GRID2: variants seen among roughly 807,000 people sequenced by gnomAD.
The protein encoded by GRID2 is glutamate ionotropic receptor delta type subunit 2.
GRID2 carries 33 observed loss-of-function variants against 114.8 expected under a neutral mutation model. The ratio of observed to expected loss-of-function variants is 0.29; its 90% CI spans 0.22 to 0.38. The LOEUF (loss-of-function observed/expected upper bound fraction) is 0.38. Among genes scored for constraint, GRID2 ranks in the 10% least tolerant of loss-of-function variants. The probability of loss-of-function intolerance (pLI) is 1.00; values close to 1 mark genes in which losing one functional copy is unlikely to be tolerated. For synonymous variants in GRID2, 505 were observed against 449.9 expected, an observed-to-expected ratio of 1.12 and a Z score of -1.55; for missense variants, 1,184 against 1,257.7, an observed-to-expected ratio of 0.94 and a Z score of 0.89.
chr4:93,194,537 C>G, intron 4 of GRID2, among the ~76,000 whole-genome samples: 1 of 152,082 alleles, frequency 6.6e-6, no homozygotes, highest in Non-Finnish European at 1.5e-5. Flanking sequence ...TATTGGCATA[C>G]TTTTCATAAT....
intron 12 of GRID2, among the ~76,000 whole-genome samples, chr4:93,503,154 G>A (rs948728962): frequency 2.0e-5 from 3 of 152,040 alleles, no homozygotes; most frequent in Admixed American, 6.6e-5. Context: ...TGTGGAGGAC[G>A]TAGTTTGAGT....
intron 2 of GRID2, among the ~76,000 whole-genome samples, chr4:93,031,662 C>G (rs1165110820): frequency 6.6e-6 from 1 of 152,028 alleles, no homozygotes; most frequent in Non-Finnish European, 1.5e-5. Flanking sequence ...TCTTGCTTGC[C>G]ACCATGTAAG....
In GRID2 at chr4:93,772,418, A is replaced by G. The variant is rs1324702482; in HGVS notation, c.2944A>G (p.Met982Val). ...CTTTTTCAGGAGTCCTATAAAAACA[A>G]TGTCATCTATTCCTTATCAACCAAC... ...GGFFRSPIKT[M>V]SSIPYQPTPT... Residue 982 changes from methionine (M) to valine (V), a missense_variant, in exon 16 of 16, where the codon ATG becomes GTG. Physicochemically the swap from Met to Val is conservative, Grantham distance 21. Coordinates refer to ENST00000282020, the MANE Select transcript of GRID2 (RefSeq NM_001510.4). 4.3e-6 allele frequency: 7 copies of G among 1,613,888 alleles called. No homozygotes were observed. In the South Asian group the frequency reaches 6.6e-5, roughly 15 times the overall value.
chr4:92,879,145 GAT>G (rs1745828130), intron 2 of GRID2, among the ~76,000 whole-genome samples: 1 of 151,992 alleles, frequency 6.6e-6, no homozygotes, highest in East Asian at 1.9e-4. Context: ...CTAGAAAAAA[GAT>G]ATAAAATATG....
chr4:93,461,763 T>A (rs1723762828), intron 11 of GRID2, among the ~76,000 whole-genome samples: 1 of 152,174 alleles, frequency 6.6e-6, no homozygotes, highest in Admixed American at 6.5e-5. Context: ...AATGCACGAA[T>A]GAGAGACCAA....
chr4:93,323,510 G>A (rs1757475942), intron 8 of GRID2, among the ~76,000 whole-genome samples: 1 of 152,128 alleles, frequency 6.6e-6, no homozygotes, highest in Non-Finnish European at 1.5e-5. Flanking sequence ...GTTTGAATTA[G>A]GATTGTCTTG....
chr4:92,941,635 T>C (rs961628589), intron 2 of GRID2, among the ~76,000 whole-genome samples: 2 of 152,176 alleles, frequency 1.3e-5, no homozygotes, highest in Admixed American at 1.3e-4. Context: ...TGCTCTTGCT[T>C]CTCCAGTTCT....
At chr4:92,479,975 T>G (rs182805466) in intron 1 of GRID2, among the ~76,000 whole-genome samples, 22 of 152,292 alleles carry the variant, frequency 1.4e-4, no homozygotes, top group African/African-American at 4.6e-4. Context: ...TGTGATTCTT[T>G]GAAACATTGT....
At chr4:93,232,578 T>C (rs188547413) in intron 7 of GRID2, among the ~76,000 whole-genome samples, 2 of 151,276 alleles carry the variant, frequency 1.3e-5, no homozygotes, top group Admixed American at 1.3e-4. Flanking sequence ...TAATAGATCT[T>C]TAAATCAAAT....
rs1434252187 is a variant in GRID2, at chr4:93,170,814, C to G, written c.736-36590C>G. 2.0e-5 allele frequency among the ~76,000 whole-genome samples: 3 copies of G among 152,004 alleles called. No homozygotes were observed. The East Asian group carries it at 5.8e-4, about 30-fold the overall frequency. ...AATAGGCTTTAAAATGTAAAATGAC[C>G]AAATTTCAATGACGATTTTCCTTAG... On this transcript the variant is annotated intron_variant, in intron 4 of 15. Coordinates refer to ENST00000282020, the MANE Select transcript of GRID2 (RefSeq NM_001510.4).
At chr4:92,946,581 A>C (rs962594730) in intron 2 of GRID2, among the ~76,000 whole-genome samples, 2 of 152,070 alleles carry the variant, frequency 1.3e-5, no homozygotes, top group Non-Finnish European at 2.9e-5. Context: ...TTGTACTACT[A>C]TGCAAACTCT....
intron 13 of GRID2, among the ~76,000 whole-genome samples, chr4:93,563,847 C>CATTTACT (rs1735146566): frequency 6.6e-6 from 1 of 151,920 alleles, no homozygotes; most frequent in African/African-American, 2.4e-5. Context: ...AGTTTGCTCA[C>CATTTACT]ATTTACTATT....
intron 2 of GRID2, among the ~76,000 whole-genome samples, chr4:93,083,821 T>C (rs1730097401): frequency 6.6e-6 from 1 of 152,070 alleles, no homozygotes; most frequent in South Asian, 2.1e-4. Flanking sequence ...ATTTTGCATG[T>C]ATTGGTTGGC....
At chr4:92,762,652 A>G (rs1738076111) in intron 2 of GRID2, among the ~76,000 whole-genome samples, 1 of 152,164 alleles carries the variant, frequency 6.6e-6, no homozygotes, top group African/African-American at 2.4e-5. Flanking sequence ...AAAAAGTTGT[A>G]TGCAGAGTCT....
At chr4:92,892,139 C>T (rs1188133531) in intron 2 of GRID2, among the ~76,000 whole-genome samples, 1 of 151,888 alleles carries the variant, frequency 6.6e-6, no homozygotes, top group Non-Finnish European at 1.5e-5. Flanking sequence ...TCTTGGCTCA[C>T]TGCAACCTCC....
intron 4 of GRID2, among the ~76,000 whole-genome samples, chr4:93,116,854 A>G (rs79327368): frequency 0.014 from 2,180 of 152,252 alleles, 41 homozygotes; most frequent in Middle Eastern, 0.085. Flanking sequence ...TGAATCAACA[A>G]TGAATATTAA....
At chr4:93,225,754 C>T (rs1220368735) in intron 7 of GRID2, among the ~76,000 whole-genome samples, 1 of 152,154 alleles carries the variant, frequency 6.6e-6, no homozygotes, top group Admixed American at 6.6e-5. Context: ...GGATCTTTCT[C>T]TTGGTACTTG....
chr4:93,535,232 A>G (rs1731920328), intron 13 of GRID2, among the ~76,000 whole-genome samples: 2 of 5,576 alleles, frequency 3.6e-4, no homozygotes, highest in South Asian at 0.014. Flanking sequence ...ACATACACAT[A>G]CACACACACA....
chr4:93,455,114 G>C (rs1433138216), intron 10 of GRID2, among the ~76,000 whole-genome samples: 1 of 151,980 alleles, frequency 6.6e-6, no homozygotes, highest in Non-Finnish European at 1.5e-5. Context: ...TCATAGTAGT[G>C]ACCTTAGGCA....
Sources: gnomAD v4.1 joint callset for allele counts (sites outside exome capture counted in the v4.1 genomes callset) on GRCh38, gnomAD v4.1.1 for gene constraint, MANE v1.5 for transcripts, NCBI Gene and HGNC (gene_info 2026-07-23, HGNC 2026-07-21) for gene names.